Variants in IPO11 observed in about 807,000 individuals in gnomAD.
IPO11 encodes importin-11.
IPO11 carries 66 observed loss-of-function variants against 143.2 expected under a neutral mutation model. That is an observed-to-expected ratio of 0.46 (90% confidence interval 0.38 to 0.57). The LOEUF (loss-of-function observed/expected upper bound fraction) is 0.57, where lower values mean the gene tolerates loss of function less well. Ranked by LOEUF, IPO11 falls within the 20% of genes least tolerant of loss-of-function variation. The pLI is 0.00. For synonymous variants in IPO11, 385 were observed against 377.8 expected, an observed-to-expected ratio of 1.02 and a Z score of -0.22; for missense variants, 1,026 against 1,141.0, an observed-to-expected ratio of 0.90 and a Z score of 1.45.
At chr5:62,533,009 T>G (rs1028168389) in intron 22 of IPO11, among the ~76,000 whole-genome samples, 3 of 152,166 alleles carry the variant, frequency 2.0e-5, no homozygotes, top group Non-Finnish European at 4.4e-5. Context: ...TATTATTTAT[T>G]TTCTACTTTT....
chr5:62,496,879 A>G (rs761482400), intron 16 of IPO11, among the ~76,000 whole-genome samples: 7 of 152,222 alleles, frequency 4.6e-5, no homozygotes, highest in Non-Finnish European at 8.8e-5. Context: ...TCAGACAGTA[A>G]TTTTATATTG....
chr5:62,442,953 T>G, intron 2 of IPO11, 30 bp from the exon 3 acceptor site: 1 of 1,237,710 alleles, frequency 8.1e-7, no homozygotes, highest in South Asian at 1.3e-5. Context: ...TATTCCATGC[T>G]AATTCTAATA....
At chr5:62,477,977 C>CT (rs1486529261) in intron 9 of IPO11, among the ~76,000 whole-genome samples, 1 of 152,148 alleles carries the variant, frequency 6.6e-6, no homozygotes, top group Non-Finnish European at 1.5e-5. Context: ...AATTGAGTAA[C>CT]TTTGAGTCTT....
intron 15 of IPO11, among the ~76,000 whole-genome samples, chr5:62,491,078 C>T (rs1054604766): frequency 2.0e-5 from 3 of 152,006 alleles, no homozygotes; most frequent in Non-Finnish European, 4.4e-5. Flanking sequence ...GGGCTTTTTT[C>T]TTAATTTGAA....
intron 29 of IPO11, among the ~76,000 whole-genome samples, chr5:62,616,461 T>C (rs10065349): frequency 0.72 from 109,069 of 151,986 alleles, 39,879 homozygotes; most frequent in African/African-American, 0.86. Flanking sequence ...TGGCCAGGTA[T>C]GGTGGCTCAC....
At chr5:62,458,230 G>C (rs901715321) in intron 5 of IPO11, among the ~76,000 whole-genome samples, 1 of 150,226 alleles carries the variant, frequency 6.7e-6, no homozygotes, top group Non-Finnish European at 1.5e-5. Context: ...CTTTTGTTTT[G>C]TTGATTTTAA....
chr5:62,439,171 T>C (rs1744355601), intron 2 of IPO11, among the ~76,000 whole-genome samples: 1 of 152,102 alleles, frequency 6.6e-6, no homozygotes. Flanking sequence ...TAAAACACTT[T>C]CAGAATTTCT....
At position 62,487,625 on chromosome 5, in the gene IPO11, AC is replaced by A; in HGVS notation, c.1219-144del. ...TTGTGTTGGTTATAAAAAAATGGTA[AC>A]CTTACTTTTTTTTTTTAACAAATCA... On this transcript the variant is annotated intron_variant, in intron 12 of 29. Transcript: ENST00000325324. 3 of 766,832 alleles carry A rather than the reference AC, an allele frequency of 3.9e-6. No homozygotes were observed. In the African/African-American group the frequency reaches 8.0e-5, roughly 20 times the overall value. The allele number at this position is 766,832 out of a possible 1,614,324, so 47.5% of individuals were successfully genotyped here. A position where few individuals can be genotyped will look rare whatever the true frequency, so the allele number is the denominator to read the frequency against.
intron 26 of IPO11, among the ~76,000 whole-genome samples, chr5:62,560,510 G>A (rs138733759): frequency 3.0e-4 from 45 of 152,260 alleles, no homozygotes; most frequent in African/African-American, 1.0e-3. Flanking sequence ...TCACATCTAC[G>A]TAATACTGTC....
chr5:62,596,435 C>T (rs1481436687), intron 28 of IPO11, among the ~76,000 whole-genome samples: 2 of 152,106 alleles, frequency 1.3e-5, no homozygotes, highest in Admixed American at 6.6e-5. Flanking sequence ...TGGAGGTCCA[C>T]TGGTGATTTC....
chr5:62,611,793 T>C (rs746748073), intron 29 of IPO11, among the ~76,000 whole-genome samples: 10 of 152,178 alleles, frequency 6.6e-5, no homozygotes, highest in Non-Finnish European at 1.2e-4. Context: ...CAGGGTACAT[T>C]AGACTGCCTT....
intron 22 of IPO11, among the ~76,000 whole-genome samples, chr5:62,533,880 G>A (rs912708845): frequency 1.3e-5 from 2 of 151,798 alleles, no homozygotes; most frequent in Admixed American, 6.6e-5. Context: ...GATCAAGGCT[G>A]CAGTGGCTGC....
At chr5:62,520,683 T>A (rs949239203) in intron 20 of IPO11, among the ~76,000 whole-genome samples, 1 of 152,220 alleles carries the variant, frequency 6.6e-6, no homozygotes, top group Non-Finnish European at 1.5e-5. Context: ...TTCATCCATG[T>A]CCCTACAAAG....
chr5:62,597,880 C>T (rs1389102096), intron 28 of IPO11, among the ~76,000 whole-genome samples: 2 of 152,104 alleles, frequency 1.3e-5, no homozygotes, highest in Non-Finnish European at 2.9e-5. Flanking sequence ...TAAGTGACTC[C>T]AGGATTAGCT....
At chr5:62,487,104 A>G (rs939837750) in intron 12 of IPO11, among the ~76,000 whole-genome samples, 1 of 152,190 alleles carries the variant, frequency 6.6e-6, no homozygotes, top group Non-Finnish European at 1.5e-5. Flanking sequence ...ATGTTTTGAT[A>G]CCAGCATGCA....
intron 27 of IPO11, chr5:62,581,206 A>T: frequency 6.4e-7 from 1 of 1,550,974 alleles, no homozygotes; most frequent in Non-Finnish European, 8.7e-7. Flanking sequence ...CACTTCCCCA[A>T]ATTCTCTAGA....
intron 16 of IPO11, among the ~76,000 whole-genome samples, chr5:62,495,911 G>T (rs1451510141): frequency 6.6e-6 from 1 of 152,138 alleles, no homozygotes; most frequent in Non-Finnish European, 1.5e-5. Flanking sequence ...GAGAGAAAGG[G>T]ATTCATGGCC....
intron 26 of IPO11, among the ~76,000 whole-genome samples, chr5:62,555,372 TG>T (rs1369223463): frequency 1.3e-5 from 2 of 152,030 alleles, no homozygotes; most frequent in Admixed American, 1.3e-4. Flanking sequence ...TAGAATGCAG[TG>T]GCACAATCAT....
chr5:62,546,756 A>G (rs1195330327), intron 24 of IPO11, among the ~76,000 whole-genome samples: 1 of 152,220 alleles, frequency 6.6e-6, no homozygotes, highest in East Asian at 1.9e-4. Flanking sequence ...TTGTCCAGTT[A>G]CACAGTGGAG....
Sources: allele counts gnomAD v4.1 joint callset (sites outside exome capture counted in the v4.1 genomes callset), GRCh38; gene constraint gnomAD v4.1.1; transcripts MANE v1.5; gene names NCBI Gene and HGNC (gene_info 2026-07-23, HGNC 2026-07-21).